The following RTF2 variants were observed in gnomAD, a reference collection of about 807,000 sequenced individuals.
RTF2 encodes the protein UPF0549 protein C20orf43.
A neutral mutation model predicts 38.0 loss-of-function variants in RTF2; 18 were observed. That is an observed-to-expected ratio of 0.47 (90% CI 0.33 to 0.70). The LOEUF is 0.70. RTF2 is among the 30% of genes least tolerant of loss of function. The pLI is 0.02. For missense variants in RTF2, 311 were observed against 379.6 expected (o/e 0.82, Z 1.50); for synonymous variants, 126 against 137.1 (o/e 0.92, Z 0.57).
At chr20:56,490,367 A>G (rs890449762) in intron 5 of RTF2, among the ~76,000 whole-genome samples, 2 of 152,254 alleles carry the variant, frequency 1.3e-5, no homozygotes, top group African/African-American at 4.8e-5. Flanking sequence ...GAAGGAGGAT[A>G]TATATAAAGT....
At chr20:56,472,333 A>G (rs1982013517) in intron 1 of RTF2, 1 of 1,535,794 alleles carries the variant, frequency 6.5e-7, no homozygotes, top group Non-Finnish European at 8.8e-7. Flanking sequence ...CAGATTTGGC[A>G]TTTGAAGAAT....
intron 5 of RTF2, chr20:56,497,264 TATA>T: frequency 6.4e-7 from 1 of 1,551,750 alleles, no homozygotes; most frequent in Non-Finnish European, 8.7e-7. Flanking sequence ...TATGAATAGT[TATA>T]ATATATGCCA....
chr20:56,505,692 T>C (rs1410470224), intron 5 of RTF2, among the ~76,000 whole-genome samples: 1 of 151,536 alleles, frequency 6.6e-6, no homozygotes, highest in Non-Finnish European at 1.5e-5. Context: ...TGCTGGGGAG[T>C]GTTGCCCACA....
chr20:56,470,544 G>A, intron 1 of RTF2: 1 of 454,938 alleles, frequency 2.2e-6, no homozygotes, highest in South Asian at 1.5e-5. Context: ...CTAACGCAGA[G>A]CACCTAAATT....
chr20:56,504,538 CAG>C (rs1984135505), intron 5 of RTF2, among the ~76,000 whole-genome samples: 1 of 152,198 alleles, frequency 6.6e-6, no homozygotes, highest in African/African-American at 2.4e-5. Flanking sequence ...TTTTACAAGG[CAG>C]GGGCTGAGCC....
intron 2 of RTF2, among the ~76,000 whole-genome samples, 191 bp downstream of exon 2, chr20:56,473,586 G>A (rs1441884292): frequency 1.3e-5 from 2 of 152,160 alleles, no homozygotes; most frequent in Non-Finnish European, 2.9e-5. Flanking sequence ...TCCATGGTTT[G>A]AAAACTGAGG....
At chr20:56,512,763 G>A (rs901642623) in intron 5 of RTF2, among the ~76,000 whole-genome samples, 2 of 152,342 alleles carry the variant, frequency 1.3e-5, no homozygotes, top group African/African-American at 4.8e-5. Context: ...ATGTAGCAGA[G>A]TCTGGAGGAA....
chr20:56,475,233 C>T (rs939105509), intron 3 of RTF2, among the ~76,000 whole-genome samples: 1 of 152,012 alleles, frequency 6.6e-6, no homozygotes, highest in Non-Finnish European at 1.5e-5. Flanking sequence ...CTTGAGAGGA[C>T]ACAACTTTTT....
At chr20:56,483,404 G>A (rs1982623783) in intron 4 of RTF2, among the ~76,000 whole-genome samples, 1 of 151,552 alleles carries the variant, frequency 6.6e-6, no homozygotes, top group Admixed American at 6.6e-5. Flanking sequence ...CTGGAGTGCA[G>A]TGGCGCTATC....
chr20:56,505,507 T>TAATAAG (rs1555812441), intron 5 of RTF2, among the ~76,000 whole-genome samples: 5 of 149,624 alleles, frequency 3.3e-5, no homozygotes, highest in Non-Finnish European at 5.9e-5. Context: ...ATAATAATAA[T>TAATAAG]AATAATAATA....
chr20:56,497,888 T>A (rs911157133), intron 5 of RTF2, among the ~76,000 whole-genome samples: 6 of 152,248 alleles, frequency 3.9e-5, no homozygotes, highest in African/African-American at 1.4e-4. Flanking sequence ...CTCTAGTTTG[T>A]CAGTGTGTAA....
chr20:56,503,162 C>T (rs1319044628), intron 5 of RTF2, among the ~76,000 whole-genome samples: 1 of 152,232 alleles, frequency 6.6e-6, no homozygotes, highest in Non-Finnish European at 1.5e-5. Flanking sequence ...GTCTCTTTCT[C>T]TCTGAGCTCA....
intron 5 of RTF2, among the ~76,000 whole-genome samples, chr20:56,489,181 G>A (rs1178429533): frequency 1.3e-5 from 2 of 150,502 alleles, no homozygotes; most frequent in Non-Finnish European, 2.9e-5. Context: ...TTAGCCACCC[G>A]AGTAGCTGGG....
At chr20:56,496,531 G>GT (rs751629896) in intron 5 of RTF2, 4 of 1,224,726 alleles carry the variant, frequency 3.3e-6, no homozygotes, top group Non-Finnish European at 4.4e-6. Context: ...CTCGGTGACC[G>GT]TGTGAGACTC....
intron 5 of RTF2, chr20:56,496,831 G>A (rs1983574817): frequency 6.4e-7 from 1 of 1,551,658 alleles, no homozygotes; most frequent in African/African-American, 1.4e-5. Context: ...TTATTTGGAG[G>A]TGCATAGATA....
At chr20:56,497,188 G>C (rs1983601276) in intron 5 of RTF2, 1 of 1,551,512 alleles carries the variant, frequency 6.4e-7, no homozygotes, top group Non-Finnish European at 8.7e-7. Context: ...TCATCAACAT[G>C]AATACAATAA....
intron 1 of RTF2, among the ~76,000 whole-genome samples, chr20:56,471,373 C>G (rs1981953047): frequency 6.6e-6 from 1 of 152,116 alleles, no homozygotes; most frequent in Non-Finnish European, 1.5e-5. Context: ...TCGAGACCAT[C>G]CTGGCTAACA....
At chr20:56,472,312 G>T in intron 1 of RTF2, 2 of 1,451,150 alleles carry the variant, frequency 1.4e-6, no homozygotes, top group Non-Finnish European at 1.9e-6. Context: ...GTGCTGTCCT[G>T]TTAAATTATT....
chr20:56,485,040 C>G (rs1186718322), intron 5 of RTF2, among the ~76,000 whole-genome samples: 1 of 152,242 alleles, frequency 6.6e-6, no homozygotes, highest in East Asian at 1.9e-4. Flanking sequence ...TGAATAAGAT[C>G]CATGAAGGCC....
Sources: allele counts gnomAD v4.1 joint callset (sites outside exome capture counted in the v4.1 genomes callset), GRCh38; gene constraint gnomAD v4.1.1; transcripts MANE v1.5; gene names NCBI Gene and HGNC (gene_info 2026-07-23, HGNC 2026-07-21).